FEZ1: variants seen among roughly 807,000 people sequenced by gnomAD.
The protein encoded by FEZ1 is fasciculation and elongation protein zeta-1.
Under a neutral mutation model 49.3 loss-of-function variants are expected in FEZ1, and 20 were observed. The ratio of observed to expected loss-of-function variants is 0.41; its 90% CI spans 0.29 to 0.59. The LOEUF is 0.59. FEZ1 is among the 20% of genes least tolerant of loss of function. The probability of loss-of-function intolerance (pLI) is 0.36; values close to 1 mark genes in which losing one functional copy is unlikely to be tolerated. For missense variants in FEZ1, 413 were observed against 476.0 expected (o/e 0.87, Z 1.23); for synonymous variants, 170 against 180.9 (o/e 0.94, Z 0.48).
chr11:125,470,195 C>T lies in FEZ1; in HGVS notation c.412-6625G>A, dbSNP rs558167074. Among the ~76,000 whole-genome samples, 15 of 152,288 alleles carry T rather than the reference C, an allele frequency of 9.8e-5. 2 individuals are homozygous for T. In the South Asian group the frequency reaches 3.1e-3, roughly 32 times the overall value. On this transcript the variant is annotated intron_variant, in intron 3 of 9. Transcript: ENST00000278919. ...TTCAGAAGGATAACAGAACACCTTG[C>T]TTCCTCAAAATGTGTCCTATTTATC...
chr11:125,483,236 C>T (rs927829244), intron 2 of FEZ1, among the ~76,000 whole-genome samples: 5 of 151,956 alleles, frequency 3.3e-5, no homozygotes, highest in Admixed American at 1.3e-4. Context: ...ATCAGGAATG[C>T]GACGTGATAT....
At chr11:125,473,001 G>T (rs1489209302) in intron 3 of FEZ1, among the ~76,000 whole-genome samples, 1 of 151,616 alleles carries the variant, frequency 6.6e-6, no homozygotes, top group Non-Finnish European at 1.5e-5. Flanking sequence ...CTGATTCCAA[G>T]ATTTATATGG....
intron 3 of FEZ1, among the ~76,000 whole-genome samples, chr11:125,475,275 T>TACAC (rs67243081): frequency 0.16 from 21,981 of 141,580 alleles, 2,053 homozygotes; most frequent in African/African-American, 0.27. Flanking sequence ...GTCTCAAAAA[T>TACAC]ACACACACAC....
At chr11:125,464,407 A>G (rs1957105629) in intron 3 of FEZ1, among the ~76,000 whole-genome samples, 2 of 152,224 alleles carry the variant, frequency 1.3e-5, no homozygotes, top group South Asian at 4.1e-4. Flanking sequence ...CTGTATGTCT[A>G]GAAGTCTGAT....
chr11:125,481,774 A>C, intron 2 of FEZ1, 141 bp from the exon 3 acceptor site: 1 of 673,976 alleles, frequency 1.5e-6, no homozygotes, highest in Non-Finnish European at 2.7e-6. Flanking sequence ...GCAGGGGCAA[A>C]GCAGCTTAAA....
intron 2 of FEZ1, among the ~76,000 whole-genome samples, chr11:125,485,619 C>A (rs1473178756): frequency 6.6e-6 from 1 of 152,114 alleles, no homozygotes; most frequent in Non-Finnish European, 1.5e-5. Flanking sequence ...TTTGAGTACA[C>A]CTTTGCACTT....
intron 9 of FEZ1, among the ~76,000 whole-genome samples, chr11:125,447,477 T>A (rs188250230): frequency 6.6e-6 from 1 of 152,126 alleles, no homozygotes; most frequent in African/African-American, 2.4e-5. Flanking sequence ...ACAAATAAAC[T>A]GAAAAATACT....
rs796507357 is a variant in FEZ1 at position 125,449,441 on chromosome 11, A to AAAAAAAAAAG, written c.1097-875_1097-874insCTTTTTTTTT. The stretch of plus-strand genomic sequence containing the variant: ...ATAAAAAAAAAAAAAAAAAAAAAAA[A>AAAAAAAAAAG]AAGAAGAAGAGGAAGAAAAGAAAAA... On this transcript the variant is annotated intron_variant, in intron 8 of 9. Transcript: ENST00000278919. 7.4e-4 allele frequency among the ~76,000 whole-genome samples: 95 copies of AAAAAAAAAAG among 128,202 alleles called. 6 individuals carry two copies. The highest frequency in any genetic ancestry group is 1.2e-3 in the Non-Finnish European group (69 of 59,426). 84.1% of individuals were successfully genotyped at this position (128,202 alleles called of 152,430 possible).
In FEZ1 at chr11:125,445,864, G is replaced by T; in HGVS notation, c.*231C>A. Reference sequence around the variant, plus strand: ...GAAAGCGGCTGCCTTCCCCTCTCCTGACACCAGCAAGGGGGAGGCACCATC... The same window carrying T: ...GAAAGCGGCTGCCTTCCCCTCTCCTTACACCAGCAAGGGGGAGGCACCATC... On this transcript the variant is annotated 3_prime_UTR_variant, in exon 10 of 10. Coordinates refer to ENST00000278919, the MANE Select transcript of FEZ1 (RefSeq NM_005103.5). This position sits in a 1 kb window ranked among gnomAD's most constrained non-coding sequence, Gnocchi z 4.4. 1 of 580,994 alleles carries T rather than the reference G, an allele frequency of 1.7e-6. No individual in the cohort carries two copies. 36.0% of individuals were successfully genotyped at this position (580,994 alleles called of 1,614,324 possible).
intron 3 of FEZ1, among the ~76,000 whole-genome samples, chr11:125,478,231 T>G (rs1957248802): frequency 6.6e-6 from 1 of 152,058 alleles, no homozygotes; most frequent in African/African-American, 2.4e-5. Context: ...TCACCTGAGG[T>G]TGGGAGTTCA....
intron 4 of FEZ1, chr11:125,463,223 T>C (rs1296394514): frequency 9.1e-6 from 2 of 220,436 alleles, no homozygotes; most frequent in East Asian, 1.2e-4. Context: ...GGAAAGTCAC[T>C]TGAATCCGGG....
At chr11:125,452,481 C>A in intron 7 of FEZ1, 72 bp from the exon 8 acceptor site, 1 of 938,242 alleles carries the variant, frequency 1.1e-6, no homozygotes, top group Non-Finnish European at 1.7e-6. Context: ...TTTAGCCTTT[C>A]TCTAAGACAC....
In FEZ1 at chr11:125,460,519, T is replaced by C. The variant is rs775252980; in HGVS notation, c.646A>G (p.Asn216Asp). 1 of 1,614,070 alleles carries C rather than the reference T, an allele frequency of 6.2e-7. No individual in the cohort carries two copies. Among genetic ancestry groups the C allele is most frequent in the Non-Finnish European group, 8.5e-7 (1 of 1,180,000 alleles). ...TCACCTTCATAGGACCAGTTGTTGT[T>C]GAAGGTCTGTGTCAATGCCTGCATC... ...QEMQALTQTF[N>D]NNWSYEGLRH... The change falls in exon 5 of 10, where the codon AAC becomes GAC. Residue 216 changes from asparagine to aspartate, a missense_variant. Transcript: ENST00000278919.
intron 7 of FEZ1, 52 bp downstream of exon 7, chr11:125,454,078 C>T: frequency 1.5e-6 from 2 of 1,359,784 alleles, no homozygotes; most frequent in African/African-American, 1.4e-5. Context: ...GCTGGGGAGG[C>T]CAAGCTGCAG....
At chr11:125,492,298 C>T (rs1313246007) in intron 1 of FEZ1, among the ~76,000 whole-genome samples, 2 of 152,216 alleles carry the variant, frequency 1.3e-5, no homozygotes, top group Non-Finnish European at 2.9e-5. Flanking sequence ...AGGGGTTCTT[C>T]ATCTTCAGTA....
intron 3 of FEZ1, among the ~76,000 whole-genome samples, chr11:125,465,480 C>T (rs867406736): frequency 5.8e-4 from 88 of 152,126 alleles, no homozygotes; most frequent in Non-Finnish European, 2.2e-4. Context: ...TTTCTCTCCC[C>T]TCCCCCTCTC....
intron 3 of FEZ1, among the ~76,000 whole-genome samples, chr11:125,473,521 A>G (rs770549903): frequency 1.1e-4 from 17 of 152,268 alleles, no homozygotes; most frequent in Admixed American, 4.6e-4. Context: ...CATACTATAT[A>G]CAAAACTAAT....
chr11:125,495,757 C>T lies in FEZ1; in HGVS notation c.-46+364G>A, dbSNP rs1057319796. 4.9e-6 allele frequency: 1 copy of T among 205,442 alleles called. No homozygotes were observed. Among genetic ancestry groups the T allele is most frequent in the Admixed American group, 8.7e-5 (1 of 11,512 alleles). The allele number at this position is 205,442 out of a possible 1,614,324, so 12.7% of individuals were successfully genotyped here. On this transcript the variant is annotated intron_variant, in intron 1 of 9. Coordinates refer to ENST00000278919, the MANE Select transcript of FEZ1 (RefSeq NM_005103.5). The surrounding 1 kb of genome is among the most constrained non-coding windows in gnomAD (Gnocchi z 4.2). ...TCCCCCAGCCCCCATACCTCGCCGC[C>T]CTGCCTTCACACGCGCGCACACACG... is the stretch of plus-strand genomic sequence containing the variant.
Position 125,444,516 on chromosome 11 carries a change from C to T in FEZ1, c.*1579G>A, listed in dbSNP as rs368634246. ...AGGAGAATCACTTGAACGTGGGAGGCGGAGTTTGCGGCGAGCTGAGATAGC... is the reference window on the plus strand; with the variant it reads ...AGGAGAATCACTTGAACGTGGGAGGTGGAGTTTGCGGCGAGCTGAGATAGC... On this transcript the variant is annotated 3_prime_UTR_variant, in exon 10 of 10. Transcript: ENST00000278919. Among the ~76,000 whole-genome samples, 63 of 151,830 alleles carry T rather than the reference C, an allele frequency of 4.1e-4. No homozygotes were observed. The South Asian group carries it at 7.1e-3, about 17-fold the overall frequency.
Sources: gnomAD v4.1 joint callset for allele counts (sites outside exome capture counted in the v4.1 genomes callset) on GRCh38, gnomAD v4.1.1 for gene constraint, Gnocchi (gnomAD v3.1) non-coding constraint, MANE v1.5 for transcripts, NCBI Gene and HGNC (gene_info 2026-07-23, HGNC 2026-07-21) for gene names.